Variants in ASIC4 observed in about 807,000 individuals in gnomAD.
ASIC4 encodes the protein acid-sensing ion channel 4.
ASIC4 carries 28 observed loss-of-function variants against 53.4 expected under a neutral mutation model. The observed-to-expected ratio is 0.52, with a 90% CI of 0.39 to 0.72. The LOEUF is 0.72. ASIC4 is among the 30% of genes least tolerant of loss of function. ASIC4 has a pLI of 0.00. For missense variants in ASIC4, 649 were observed against 729.7 expected (o/e 0.89, Z 1.27); for synonymous variants, 289 against 301.4 (o/e 0.96, Z 0.43).
intron 1 of ASIC4, among the ~76,000 whole-genome samples, chr2:219,523,699 G>A (rs1175512995): frequency 6.6e-6 from 1 of 152,194 alleles, no homozygotes; most frequent in Non-Finnish European, 1.5e-5. Context: ...TGGTGACCTT[G>A]GCTAGGTCAC....
In ASIC4 at chr2:219,521,697, A is replaced by T. The variant is rs1029915253; in HGVS notation, c.582+6391A>T. 2.1e-4 allele frequency among the ~76,000 whole-genome samples: 32 copies of T among 151,934 alleles called. 3 individuals carry two copies. The highest frequency in any genetic ancestry group is 2.0e-3 in the Admixed American group (31 of 15,262). ...ATGGACAGCCACCCTGCAGGAGGGG[A>T]CAGAGGCCGGCCTCAGGCTGCCTCT... On this transcript the variant is annotated intron_variant, in intron 1 of 9. Coordinates refer to ENST00000358078, the MANE Select transcript of ASIC4 (RefSeq NM_018674.6).
At position 219,525,015 on chromosome 2, in the gene ASIC4, A is replaced by G. The variant is rs75243739; in HGVS notation, c.583-6743A>G. ...GGAGGAATTACCATTCCCCTTTTACAGATGAGCAAACCGAGGCTCAGAGAG... is the reference window on the plus strand; with the variant it reads ...GGAGGAATTACCATTCCCCTTTTACGGATGAGCAAACCGAGGCTCAGAGAG... On this transcript the variant is annotated intron_variant, in intron 1 of 9. Transcript: ENST00000358078. 1.8e-4 allele frequency among the ~76,000 whole-genome samples: 27 copies of G among 152,380 alleles called. No individual in the cohort carries two copies. In the East Asian group the frequency reaches 5.0e-3, roughly 28 times the overall value.
intron 1 of ASIC4, among the ~76,000 whole-genome samples, chr2:219,522,751 G>A (rs1694907482): frequency 6.6e-6 from 1 of 152,074 alleles, no homozygotes; most frequent in African/African-American, 2.4e-5. Flanking sequence ...CCGCCGCGGG[G>A]GCGGGCGGCG....
chr2:219,510,383 C>T (rs1467163639), upstream of ASIC4, among the ~76,000 whole-genome samples: 1 of 152,184 alleles, frequency 6.6e-6, no homozygotes, highest in Non-Finnish European at 1.5e-5. The surrounding 1 kb of genome is among the most constrained non-coding windows in gnomAD (Gnocchi z 5.2). Context: ...CACTCAGGCC[C>T]CCGCTGTGGC....
intron 1 of ASIC4, among the ~76,000 whole-genome samples, chr2:219,523,151 C>CA (rs1344667447): frequency 6.6e-6 from 1 of 152,212 alleles, no homozygotes; most frequent in Non-Finnish European, 1.5e-5. Flanking sequence ...ACTGTATAAG[C>CA]AAAACTCTTG....
At chr2:219,533,589 CACA>C in intron 5 of ASIC4, 1 of 157,736 alleles carries the variant, frequency 6.3e-6, no homozygotes, top group Admixed American at 6.0e-5. Context: ...GAGGAAGGGA[CACA>C]TTAGCTGAGG....
chr2:219,522,900 G>A (rs1381007987), intron 1 of ASIC4, among the ~76,000 whole-genome samples: 1 of 152,164 alleles, frequency 6.6e-6, no homozygotes, highest in African/African-American at 2.4e-5. Context: ...GGGAGGGAGG[G>A]CGCTCGGGAG....
rs980192268 is a variant in ASIC4 at position 219,537,542 on chromosome 2, G to A, written c.1402-90G>A. On this transcript the variant is annotated intron_variant, in intron 8 of 9. Coordinates refer to ENST00000358078, the MANE Select transcript of ASIC4 (RefSeq NM_018674.6). The surrounding 1 kb of genome is among the most constrained non-coding windows in gnomAD (Gnocchi z 4.9). The stretch of plus-strand genomic sequence containing the variant: ...TACTGGGAGTTTGCTGTGGCAGTAA[G>A]TCCTGTGGGCAGCTGGGCATGGTAA... The A allele has an allele frequency of 2.2e-5, 27 of 1,219,630 alleles. No individual in the cohort carries two copies. In the African/African-American group the frequency reaches 3.3e-4, roughly 15 times the overall value. The allele number at this position is 1,219,630 out of a possible 1,614,324, so 75.6% of individuals were successfully genotyped here.
chr2:219,537,051 T>C lies in ASIC4; in HGVS notation c.1230-15T>C. 1.2e-6 allele frequency: 2 copies of C among 1,612,626 alleles called. No homozygotes were observed. Among genetic ancestry groups the C allele is most frequent in the Non-Finnish European group, 1.7e-6 (2 of 1,178,850 alleles). ...AGAGAGGCCCACACGGATACCCTGCTTCCTGTCTCCACAGGGAGAACTTCC... is the reference window on the plus strand; with the variant it reads ...AGAGAGGCCCACACGGATACCCTGCCTCCTGTCTCCACAGGGAGAACTTCC... On this transcript the variant is annotated splice_polypyrimidine_tract_variant and intron_variant, in intron 6 of 9. Transcript: ENST00000358078. The surrounding 1 kb of genome is among the most constrained non-coding windows in gnomAD (Gnocchi z 4.9).
rs1695157237 is a variant in ASIC4, at chr2:219,537,353, G to A, written c.1401+32G>A. The A allele has an allele frequency of 6.3e-7, 1 of 1,595,956 alleles. No individual in the cohort carries two copies. Among genetic ancestry groups the A allele is most frequent in the African/African-American group, 1.3e-5 (1 of 74,660 alleles). On this transcript the variant is annotated intron_variant, in intron 8 of 9. Transcript: ENST00000358078. This position sits in a 1 kb window ranked among gnomAD's most constrained non-coding sequence, Gnocchi z 4.9. ...GCCCTGGAGAAGGCAGGGTGGGAGT[G>A]GGGGCCGTGGGCAAAGCAGAAGGGG...
chr2:219,514,113 G>T (rs1240902808), upstream of ASIC4: 2 of 566,154 alleles, frequency 3.5e-6, no homozygotes. Flanking sequence ...AGAATGAGCT[G>T]AGGACCCTGG....
At position 219,535,194 on chromosome 2, in the gene ASIC4, GGCCCGT is replaced by G; in HGVS notation, c.1102_1107del (p.Pro368_Cys369del). On this transcript the variant is annotated inframe_deletion, in exon 6 of 10. Transcript: ENST00000358078. ...AGACTCCCTGGGTGGGGGCCCTGAGGGCCCGTGCTTCTGCCCCACCCCCTGCAACCT... is the reference window on the plus strand; with the variant it reads ...AGACTCCCTGGGTGGGGGCCCTGAGGGCTTCTGCCCCACCCCCTGCAACCT... The G allele has an allele frequency of 1.9e-6, 3 of 1,613,812 alleles. No individual in the cohort carries two copies. Among genetic ancestry groups the G allele is most frequent in the Non-Finnish European group, 2.5e-6 (3 of 1,179,870 alleles).
chr2:219,508,547 A>G, the ASIC4 span, among the ~76,000 whole-genome samples: 2 of 151,348 alleles, frequency 1.3e-5, no homozygotes, highest in Non-Finnish European at 2.9e-5. Flanking sequence ...AGGAGTCACC[A>G]TTGTTGGGGG....
chr2:219,532,784 G>C (rs1695064613), intron 4 of ASIC4, 99 bp from the exon 5 acceptor site: 2 of 1,134,926 alleles, frequency 1.8e-6, no homozygotes, highest in Admixed American at 1.9e-5. Context: ...ATGCAAATGT[G>C]TGCATATGTG....
upstream of ASIC4, among the ~76,000 whole-genome samples, chr2:219,509,828 G>A (rs115716963): frequency 8.2e-3 from 1,245 of 152,190 alleles, 5 homozygotes; most frequent in South Asian, 0.015. The surrounding 1 kb of genome is among the most constrained non-coding windows in gnomAD (Gnocchi z 5.2). Flanking sequence ...TGATCGCTGC[G>A]GCACCCTTGT....
At position 219,537,813 on chromosome 2, in the gene ASIC4, A is replaced by T; in HGVS notation, c.1506+77A>T. 1 of 1,527,144 alleles carries T rather than the reference A, an allele frequency of 6.5e-7. No individual in the cohort carries two copies. Among genetic ancestry groups the T allele is most frequent in the Non-Finnish European group, 8.9e-7 (1 of 1,120,058 alleles). 94.6% of individuals were successfully genotyped at this position (1,527,144 alleles called of 1,614,324 possible). A position where few individuals can be genotyped will look rare whatever the true frequency, so the allele number is the denominator to read the frequency against. On this transcript the variant is annotated intron_variant, in intron 9 of 9. Transcript: ENST00000358078. This position sits in a 1 kb window ranked among gnomAD's most constrained non-coding sequence, Gnocchi z 4.9. ...TGAATACATCCATTGTTTCTGAACC[A>T]GCCTGTGGAGGGGGCCCTGGAGCCT...
intron 1 of ASIC4, among the ~76,000 whole-genome samples, chr2:219,522,171 C>A (rs564144828): frequency 2.1e-4 from 32 of 152,206 alleles, no homozygotes; most frequent in African/African-American, 7.2e-4. Flanking sequence ...GAGATAGGCA[C>A]GGGCTGCAGC....
chr2:219,525,008 C>T lies in ASIC4; in HGVS notation c.583-6750C>T, dbSNP rs183434225. Reference sequence around the variant, plus strand: ...TTTAGGAGGAGGAATTACCATTCCCCTTTTACAGATGAGCAAACCGAGGCT... The same window carrying T: ...TTTAGGAGGAGGAATTACCATTCCCTTTTTACAGATGAGCAAACCGAGGCT... On this transcript the variant is annotated intron_variant, in intron 1 of 9. Coordinates refer to ENST00000358078, the MANE Select transcript of ASIC4 (RefSeq NM_018674.6). 2.6e-5 allele frequency among the ~76,000 whole-genome samples: 4 copies of T among 152,340 alleles called. No individual in the cohort carries two copies. In the East Asian group the frequency reaches 7.7e-4, roughly 29 times the overall value.
At position 219,535,748 on chromosome 2, in the gene ASIC4, C is replaced by CT. The variant is rs564756271; in HGVS notation, c.1229+426dup. On this transcript the variant is annotated intron_variant, in intron 6 of 9. Coordinates refer to ENST00000358078, the MANE Select transcript of ASIC4 (RefSeq NM_018674.6). ...TGATGAGTCTTCTACCGGGAATGCCCTTCATAGCTCTATTCTTCTCCTTCT... is the reference window on the plus strand; with the variant it reads ...TGATGAGTCTTCTACCGGGAATGCCCTTTCATAGCTCTATTCTTCTCCTTCT... 3.7e-3 allele frequency among the ~76,000 whole-genome samples: 553 copies of CT among 150,598 alleles called. 3 individuals are homozygous for CT. The highest frequency in any genetic ancestry group is 6.2e-3 in the Non-Finnish European group (421 of 67,756).
Sources: gnomAD v4.1 joint callset for allele counts (sites outside exome capture counted in the v4.1 genomes callset) on GRCh38, gnomAD v4.1.1 for gene constraint, Gnocchi (gnomAD v3.1) non-coding constraint, MANE v1.5 for transcripts, NCBI Gene and HGNC (gene_info 2026-07-23, HGNC 2026-07-21) for gene names.